The following MELK variants were observed in gnomAD, a reference collection of about 807,000 sequenced individuals.
MELK encodes pEg3 kinase.
A neutral mutation model predicts 85.0 loss-of-function variants in MELK; 81 were observed. That is an observed-to-expected ratio of 0.95 (90% CI 0.80 to 1.15). The LOEUF (loss-of-function observed/expected upper bound fraction) is 1.15. Ranked by LOEUF, MELK falls within the 50% of genes most tolerant of loss-of-function variation. The pLI, the probability that MELK is intolerant of heterozygous loss-of-function variation, is 0.00. For synonymous variants in MELK, 252 were observed against 265.0 expected, an observed-to-expected ratio of 0.95 and a Z score of 0.48; for missense variants, 754 against 777.5, an observed-to-expected ratio of 0.97 and a Z score of 0.36.
chr9:36,599,357 T>G, intron 6 of MELK, 37 bp from the exon 7 acceptor site: 8 of 1,245,978 alleles, frequency 6.4e-6, no homozygotes, highest in Non-Finnish European at 8.1e-6. Context: ...CTCTTAAGCG[T>G]TGTAATTAAT....
intron 14 of MELK, among the ~76,000 whole-genome samples, chr9:36,667,449 C>T (rs911311322): frequency 5.1e-4 from 78 of 152,290 alleles, no homozygotes; most frequent in African/African-American, 1.7e-3. Context: ...GGCCATTGTG[C>T]CCGGCCCAGG....
intron 16 of MELK, among the ~76,000 whole-genome samples, chr9:36,673,936 C>T (rs1304240261): frequency 6.6e-6 from 1 of 151,934 alleles, no homozygotes; most frequent in Non-Finnish European, 1.5e-5. Context: ...CATGTGCCAC[C>T]CAGAATTACC....
intron 8 of MELK, among the ~76,000 whole-genome samples, chr9:36,615,418 A>T (rs1418711802): frequency 7.7e-5 from 9 of 117,228 alleles, no homozygotes; most frequent in African/African-American, 1.5e-4. Context: ...TCCCTCCCGG[A>T]CGGCACGGCT....
At chr9:36,639,851 T>TA (rs1829591881) in intron 10 of MELK, among the ~76,000 whole-genome samples, 1 of 152,082 alleles carries the variant, frequency 6.6e-6, no homozygotes, top group Non-Finnish European at 1.5e-5. Flanking sequence ...CTTTTACAGT[T>TA]AAAAAAATAT....
intron 17 of MELK, among the ~76,000 whole-genome samples, chr9:36,676,502 T>G (rs935694285): frequency 6.6e-6 from 1 of 152,226 alleles, no homozygotes; most frequent in African/African-American, 2.4e-5. Context: ...TCATTTTGAC[T>G]GGGCCTTTCC....
At chr9:36,639,151 C>T (rs955485582) in intron 10 of MELK, among the ~76,000 whole-genome samples, 1 of 152,180 alleles carries the variant, frequency 6.6e-6, no homozygotes, top group East Asian at 1.9e-4. Flanking sequence ...CATTTTATCA[C>T]CTCTAATATG....
At chr9:36,603,999 C>T (rs1032045121) in intron 7 of MELK, among the ~76,000 whole-genome samples, 3 of 151,814 alleles carry the variant, frequency 2.0e-5, no homozygotes, top group Non-Finnish European at 4.4e-5. Flanking sequence ...GACGGAGTTT[C>T]GCTCTTGTTG....
chr9:36,598,932 G>A lies in MELK; in HGVS notation c.475-462G>A, dbSNP rs1824600642. 2.0e-5 allele frequency among the ~76,000 whole-genome samples: 3 copies of A among 152,198 alleles called. 1 individual carries two copies. In the South Asian group the frequency reaches 6.2e-4, roughly 31 times the overall value. The stretch of plus-strand genomic sequence containing the variant: ...CATGCACACATGTATACAGAGTATT[G>A]TGTTGGCTGCAGAAATCCTTTATTA... On this transcript the variant is annotated intron_variant, in intron 6 of 17. Transcript: ENST00000298048.
intron 10 of MELK, among the ~76,000 whole-genome samples, chr9:36,636,241 C>T (rs7850115): frequency 3.3e-5 from 5 of 151,908 alleles, no homozygotes; most frequent in East Asian, 1.9e-4. Flanking sequence ...CGGTGGCTCA[C>T]GCCTGTAATC....
At chr9:36,618,321 A>G (rs1478930357) in intron 8 of MELK, among the ~76,000 whole-genome samples, 2 of 151,502 alleles carry the variant, frequency 1.3e-5, no homozygotes, top group Non-Finnish European at 2.9e-5. Flanking sequence ...AGGCATGAGA[A>G]TCATTTGAAC....
chr9:36,651,789 C>T lies in MELK; in HGVS notation c.965C>T (p.Ala322Val). 1.2e-6 allele frequency: 2 copies of T among 1,614,030 alleles called. No homozygotes were observed. Among genetic ancestry groups the T allele is most frequent in the Non-Finnish European group, 1.7e-6 (2 of 1,179,946 alleles). Reference protein sequence around the residue: ...HLTATYLLLLAKKARGKPVRL... With the variant: ...HLTATYLLLLVKKARGKPVRL... ...ACGGCTACCTATCTTCTGCTTCTAG[C>T]CAAGAAGGCTCGGGGAAAACCAGTT... The change falls in exon 12 of 18, where the codon GCC becomes GTC. Residue 322 changes from alanine (A) to valine (V), a missense_variant. Transcript: ENST00000298048.
At chr9:36,594,919 T>A (rs1824026725) in intron 5 of MELK, 148 bp downstream of exon 5, 66 of 658,004 alleles carry the variant, frequency 1.0e-4, no homozygotes, top group Non-Finnish European at 1.3e-4. Context: ...TCTTTTTTCC[T>A]CTTACTTTTT....
chr9:36,666,900 TGTGTGTGATG>T (rs1832418206), intron 14 of MELK, among the ~76,000 whole-genome samples: 2 of 108,738 alleles, frequency 1.8e-5, no homozygotes, highest in South Asian at 3.2e-4. Context: ...TGTGTGTGTG[TGTGTGTGATG>T]GTGTGTGTGT....
At chr9:36,654,468 G>A (rs1831037034) in intron 12 of MELK, among the ~76,000 whole-genome samples, 1 of 143,746 alleles carries the variant, frequency 7.0e-6, no homozygotes, top group Non-Finnish European at 1.5e-5. Flanking sequence ...TGATTCTCCT[G>A]CCTCATTGTC....
At chr9:36,654,927 T>C (rs1831078292) in intron 12 of MELK, among the ~76,000 whole-genome samples, 1 of 152,204 alleles carries the variant, frequency 6.6e-6, no homozygotes, top group Non-Finnish European at 1.5e-5. Flanking sequence ...GCAAGTCACA[T>C]AGTCTGGTTG....
chr9:36,598,383 C>T (rs1824532195), intron 6 of MELK, among the ~76,000 whole-genome samples: 1 of 152,144 alleles, frequency 6.6e-6, no homozygotes, highest in South Asian at 2.1e-4. Flanking sequence ...AGAGGATTGC[C>T]TCAGCCTTCT....
At chr9:36,631,366 A>T (rs1390715941) in intron 9 of MELK, among the ~76,000 whole-genome samples, 1 of 151,656 alleles carries the variant, frequency 6.6e-6, no homozygotes, top group African/African-American at 2.4e-5. Context: ...CCCAGGTTCA[A>T]GTGGTTCTCG....
At chr9:36,593,112 C>T (rs1478513346) in intron 4 of MELK, among the ~76,000 whole-genome samples, 2 of 150,402 alleles carry the variant, frequency 1.3e-5, no homozygotes, top group Non-Finnish European at 3.0e-5. Context: ...GCCACTATAT[C>T]AATCTATAGT....
intron 13 of MELK, among the ~76,000 whole-genome samples, chr9:36,663,191 C>T (rs1156832569): frequency 6.6e-6 from 1 of 151,832 alleles, no homozygotes; most frequent in Admixed American, 6.6e-5. Context: ...AGCGATTTTC[C>T]TACCTCAGCC....
Sources: allele counts gnomAD v4.1 joint callset (sites outside exome capture counted in the v4.1 genomes callset), GRCh38; gene constraint gnomAD v4.1.1; transcripts MANE v1.5; gene names NCBI Gene and HGNC (gene_info 2026-07-23, HGNC 2026-07-21).